The following FBXO34 variants were observed in gnomAD, a reference collection of about 807,000 sequenced individuals.
The protein encoded by FBXO34 is F-box only protein 34.
A neutral mutation model predicts 24.5 loss-of-function variants in FBXO34; 12 were observed. The observed-to-expected ratio is 0.49, with a 90% CI of 0.31 to 0.79. The LOEUF (loss-of-function observed/expected upper bound fraction) is 0.79. FBXO34 is among the 30% of genes least tolerant of loss of function. The probability of loss-of-function intolerance (pLI) is 0.04; values close to 1 mark genes in which losing one functional copy is unlikely to be tolerated. For synonymous variants in FBXO34, 320 were observed against 311.9 expected (o/e 1.03, Z -0.27); for missense variants, 823 against 857.7 (o/e 0.96, Z 0.51).
chr14:55,323,164 G>A (rs1042742118), intron 1 of FBXO34, among the ~76,000 whole-genome samples: 3 of 96,578 alleles, frequency 3.1e-5, no homozygotes, highest in East Asian at 3.4e-4. Flanking sequence ...CAGCCTGGGC[G>A]ACAGAGTGAG....
At chr14:55,292,890 CCTT>C (rs1291102717) in intron 1 of FBXO34, among the ~76,000 whole-genome samples, 2 of 151,870 alleles carry the variant, frequency 1.3e-5, no homozygotes, top group East Asian at 3.9e-4. Flanking sequence ...AAACTTTTCT[CCTT>C]TTTTTTTGAA....
chr14:55,338,692 A>G (rs1883877402), intron 1 of FBXO34, among the ~76,000 whole-genome samples: 1 of 152,028 alleles, frequency 6.6e-6, no homozygotes, highest in South Asian at 2.1e-4. Flanking sequence ...GTGCATCACA[A>G]GGTCAGGAGA....
intron 1 of FBXO34, chr14:55,326,064 G>C (rs1254493195): frequency 6.6e-6 from 1 of 152,128 alleles, no homozygotes; most frequent in African/African-American, 2.4e-5. Context: ...TTGTACACTT[G>C]ACAGCATGGC....
intron 1 of FBXO34, among the ~76,000 whole-genome samples, chr14:55,331,583 GGT>G (rs1378512656): frequency 7.4e-6 from 1 of 135,784 alleles, no homozygotes; most frequent in Non-Finnish European, 1.6e-5. Context: ...ATACCAACAT[GGT>G]GTGTGTGTAT....
chr14:55,352,343 C>T lies in FBXO34; in HGVS notation c.1953C>T (p.Pro651=). The part of the protein sequence containing the change: ...KGDVSLCRWH[P]KPYCQALPYG... ...ATGTGTCCCTGTGCCGATGGCACCC[C>T]AAGCCCTATTGCCAGGCATTGCCCT... Residue 651 remains proline (P), a synonymous_variant, in exon 2 of 2, where the codon CCC becomes CCT. Coordinates refer to ENST00000313833, the MANE Select transcript of FBXO34 (RefSeq NM_017943.4). The T allele has an allele frequency of 1.2e-6, 2 of 1,614,224 alleles. No homozygotes were observed. The highest frequency in any genetic ancestry group is 1.7e-6 in the Non-Finnish European group (2 of 1,180,026).
the FBXO34 span, among the ~76,000 whole-genome samples, chr14:55,419,046 C>T: frequency 6.6e-6 from 1 of 152,358 alleles, no homozygotes; most frequent in East Asian, 1.9e-4. Flanking sequence ...GCCACTACAC[C>T]TGCTGACCCT....
At chr14:55,408,363 G>C in the FBXO34 span, among the ~76,000 whole-genome samples, 4 of 152,188 alleles carry the variant, frequency 2.6e-5, no homozygotes, top group Admixed American at 2.6e-4. Context: ...ACTGAGACAG[G>C]AGAATCGCTT....
At chr14:55,429,115 T>C in the FBXO34 span, 5 of 984,142 alleles carry the variant, frequency 5.1e-6, no homozygotes. Context: ...GAGGAGGACT[T>C]ACTTCCCATA....
chr14:55,392,968 TTAGA>T, the FBXO34 span, among the ~76,000 whole-genome samples: 3 of 152,188 alleles, frequency 2.0e-5, no homozygotes, highest in Admixed American at 6.5e-5. Context: ...TATTGAAGTC[TTAGA>T]TAGAAAAACT....
chr14:55,369,938 A>AATGAGGGTCTCTTT, downstream of FBXO34: 1 of 1,578,766 alleles, frequency 6.3e-7, no homozygotes, highest in Non-Finnish European at 8.6e-7. Flanking sequence ...GTGTGCAGAC[A>AATGAGGGTCTCTTT]ATGAGGGTCT....
At chr14:55,413,839 A>G in the FBXO34 span, 93 of 398,920 alleles carry the variant, frequency 2.3e-4, 1 homozygote, top group Middle Eastern at 7.7e-4. Context: ...CTTGTTTACA[A>G]TGCCAACAGC....
At chr14:55,410,128 T>C in the FBXO34 span, among the ~76,000 whole-genome samples, 19 of 152,154 alleles carry the variant, frequency 1.2e-4, no homozygotes, top group Non-Finnish European at 2.5e-4. Flanking sequence ...ATTTACTGGG[T>C]TGGGATGAGC....
the FBXO34 span, among the ~76,000 whole-genome samples, chr14:55,427,832 T>TAC: frequency 0.087 from 12,621 of 145,084 alleles, 575 homozygotes; most frequent in Non-Finnish European, 0.1. Context: ...TGCAGCTATA[T>TAC]ACACACACAC....
the FBXO34 span, among the ~76,000 whole-genome samples, chr14:55,441,062 T>G: frequency 6.6e-6 from 1 of 152,166 alleles, no homozygotes. Context: ...GTCAGGCTGG[T>G]CTGAAACTCC....
intron 1 of FBXO34, among the ~76,000 whole-genome samples, chr14:55,324,785 A>T (rs909391911): frequency 6.6e-6 from 1 of 152,186 alleles, no homozygotes; most frequent in African/African-American, 2.4e-5. Context: ...TTTATCAGGA[A>T]TAAGTGCTTG....
At chr14:55,414,217 T>G in the FBXO34 span, 1 of 590,528 alleles carries the variant, frequency 1.7e-6, no homozygotes, top group Non-Finnish European at 3.0e-6. Context: ...TCATTTTGAA[T>G]AAGAATTTTT....
At chr14:55,411,381 C>T in the FBXO34 span, among the ~76,000 whole-genome samples, 1 of 152,192 alleles carries the variant, frequency 6.6e-6, no homozygotes, top group African/African-American at 2.4e-5. Context: ...TCAAACTCCT[C>T]TTGGGTGGGT....
At chr14:55,306,391 G>C (rs1355167859) in intron 1 of FBXO34, among the ~76,000 whole-genome samples, 1 of 152,170 alleles carries the variant, frequency 6.6e-6, no homozygotes, top group Non-Finnish European at 1.5e-5. Flanking sequence ...GAGTTGCAAT[G>C]CTTATATGTT....
At chr14:55,386,080 G>C in the FBXO34 span, 5 of 1,610,186 alleles carry the variant, frequency 3.1e-6, no homozygotes, top group East Asian at 2.2e-5. Context: ...CCTTGGTTTT[G>C]AGAAGGCCTT....
Sources: gnomAD v4.1 joint callset for allele counts (sites outside exome capture counted in the v4.1 genomes callset) on GRCh38, gnomAD v4.1.1 for gene constraint, MANE v1.5 for transcripts, NCBI Gene and HGNC (gene_info 2026-07-23, HGNC 2026-07-21) for gene names.